The following EPC2 variants were observed in gnomAD, a reference collection of about 807,000 sequenced individuals.
The protein encoded by EPC2 is enhancer of polycomb 2, also known as enhancer of polycomb homolog 2.
A neutral mutation model predicts 92.1 loss-of-function variants in EPC2; 14 were observed. The observed-to-expected ratio is 0.15, with a 90% CI of 0.10 to 0.24. The LOEUF is 0.24. Ranked by LOEUF, EPC2 falls within the 10% of genes least tolerant of loss-of-function variation. The pLI is 1.00. For synonymous variants in EPC2, 340 were observed against 334.7 expected (o/e 1.02, Z -0.17); for missense variants, 755 against 971.5 (o/e 0.78, Z 2.96).
chr2:148,703,326 G>GA (rs556620514), intron 2 of EPC2, among the ~76,000 whole-genome samples: 1,603 of 151,436 alleles, frequency 0.011, 21 homozygotes, highest in Non-Finnish European at 0.014. Flanking sequence ...TTATAGTGCA[G>GA]TTTTTTTTTA....
chr2:148,726,789 T>C (rs925012035), intron 2 of EPC2, among the ~76,000 whole-genome samples: 22 of 150,672 alleles, frequency 1.5e-4, no homozygotes, highest in Non-Finnish European at 2.2e-4. Flanking sequence ...TGCGTTTTTT[T>C]GTTTTTGAGT....
intron 1 of EPC2, among the ~76,000 whole-genome samples, chr2:148,668,574 G>C (rs2105359082): frequency 6.6e-6 from 1 of 152,298 alleles, no homozygotes; most frequent in Admixed American, 6.5e-5. Flanking sequence ...TGTTTCTGGA[G>C]TTTTCTTTGT....
chr2:148,748,289 A>G (rs1292295778), intron 3 of EPC2, among the ~76,000 whole-genome samples: 1 of 152,110 alleles, frequency 6.6e-6, no homozygotes, highest in Non-Finnish European at 1.5e-5. Context: ...CTACCTGTAC[A>G]GCCCGCAGCA....
intron 1 of EPC2, among the ~76,000 whole-genome samples, chr2:148,656,804 A>G (rs1680811247): frequency 6.6e-6 from 1 of 152,236 alleles, no homozygotes; most frequent in African/African-American, 2.4e-5. Context: ...AAGGAGTTTT[A>G]CACAGATGAA....
chr2:148,691,467 T>C, intron 2 of EPC2: 2 of 1,512,858 alleles, frequency 1.3e-6, no homozygotes, highest in Non-Finnish European at 1.8e-6. Context: ...TTCTGAAACA[T>C]CACCAGCTTT....
intron 3 of EPC2, among the ~76,000 whole-genome samples, chr2:148,749,526 T>C (rs1174339281): frequency 1.3e-5 from 2 of 152,066 alleles, no homozygotes; most frequent in East Asian, 3.9e-4. Flanking sequence ...TACTTGATAC[T>C]GCATTATTGA....
At chr2:148,699,743 A>G (rs950583888) in intron 2 of EPC2, among the ~76,000 whole-genome samples, 13 of 152,184 alleles carry the variant, frequency 8.5e-5, no homozygotes, top group Admixed American at 7.2e-4. Flanking sequence ...TTTCAGCTCA[A>G]TTGGGTATAT....
Position 148,644,775 on chromosome 2 carries a change from G to A in EPC2, c.-243G>A. 2.3e-6 allele frequency: 1 copy of A among 425,874 alleles called. No homozygotes were observed. The highest frequency in any genetic ancestry group is 4.2e-6 in the Non-Finnish European group (1 of 237,484). 26.4% of individuals were successfully genotyped at this position (425,874 alleles called of 1,614,324 possible). On this transcript the variant is annotated 5_prime_UTR_variant, in exon 1 of 14. It removes an upstream start codon present in the reference 5' UTR. Transcript: ENST00000258484. ...TGGTAATGTCCGCCATGTTGGCCAT[G>A]GCGCAGGGAGCGGATCGGGCGGGCG...
chr2:148,766,076 T>G (rs1683402744), intron 7 of EPC2, among the ~76,000 whole-genome samples: 1 of 152,176 alleles, frequency 6.6e-6, no homozygotes, highest in African/African-American at 2.4e-5. Context: ...CATTTTTTTT[T>G]TAAATATTGT....
At chr2:148,651,227 T>C (rs1680676089) in intron 1 of EPC2, among the ~76,000 whole-genome samples, 1 of 152,230 alleles carries the variant, frequency 6.6e-6, no homozygotes, top group South Asian at 2.1e-4. Context: ...CTGAGGATGC[T>C]GAGTAGACCA....
At position 148,707,459 on chromosome 2, in the gene EPC2, G is replaced by T. The variant is rs143764202; in HGVS notation, c.313+17086G>T. Among the ~76,000 whole-genome samples the T allele has an allele frequency of 7.1e-3, 1,088 of 152,228 alleles. 6 individuals carry two copies. Among genetic ancestry groups the T allele is most frequent in the African/African-American group, 0.025 (1,022 of 41,532 alleles). ...ATCAACAAGACAGAAGGTTAACAAG[G>T]ATATCCAGAACTTGAACTCAGCTCT... On this transcript the variant is annotated intron_variant, in intron 2 of 13. Coordinates refer to ENST00000258484, the MANE Select transcript of EPC2 (RefSeq NM_015630.4).
chr2:148,777,407 G>A (rs1169977775), intron 10 of EPC2, among the ~76,000 whole-genome samples: 1 of 152,100 alleles, frequency 6.6e-6, no homozygotes, highest in Non-Finnish European at 1.5e-5. Context: ...GTTAAGAGAT[G>A]ATGAAAAAAC....
In EPC2 at chr2:148,783,729, A is replaced by C; in HGVS notation, c.1990A>C (p.Asn664His). ...VAKEQNTGHN[N>H]INGVVQPSGT... ...CAAGGAACAGAACACTGGCCACAAC[A>C]ACATAAACGGTGTTGTCCAGCCTTC... Residue 664 changes from asparagine (N) to histidine (H), a missense_variant, in exon 12 of 14, where the codon AAC becomes CAC. Asn to His is a moderately conservative substitution (Grantham distance 68, BLOSUM62 1). This residue lies in a region of EPC2 where 207 missense variants were observed against 260.5 expected (regional missense o/e 0.79). Coordinates refer to ENST00000258484, the MANE Select transcript of EPC2 (RefSeq NM_015630.4). 6.3e-7 allele frequency: 1 copy of C among 1,592,226 alleles called. No individual in the cohort carries two copies. Among genetic ancestry groups the C allele is most frequent in the Non-Finnish European group, 8.6e-7 (1 of 1,168,446 alleles).
At chr2:148,707,654 C>G (rs957183332) in intron 2 of EPC2, among the ~76,000 whole-genome samples, 10 of 152,128 alleles carry the variant, frequency 6.6e-5, no homozygotes, top group Admixed American at 6.6e-5. Context: ...CTGTCTCTCA[C>G]ACCACAGTGC....
chr2:148,676,891 CA>C (rs781127884), intron 1 of EPC2, among the ~76,000 whole-genome samples: 61 of 150,748 alleles, frequency 4.0e-4, no homozygotes, highest in Non-Finnish European at 8.1e-4. Context: ...GGTTGAATTC[CA>C]TAAACAGAGT....
chr2:148,759,238 G>T (rs182475011), intron 4 of EPC2, among the ~76,000 whole-genome samples: 2 of 152,006 alleles, frequency 1.3e-5, no homozygotes, highest in African/African-American at 4.8e-5. Context: ...GATTACAGGC[G>T]CCCATCACCA....
intron 10 of EPC2, among the ~76,000 whole-genome samples, chr2:148,776,738 C>G (rs1051178596): frequency 7.2e-5 from 11 of 152,048 alleles, no homozygotes; most frequent in African/African-American, 2.7e-4. Flanking sequence ...TCTTGTAACA[C>G]TGGGTATAGT....
chr2:148,751,988 G>A (rs1178156105), intron 3 of EPC2, among the ~76,000 whole-genome samples: 4 of 152,164 alleles, frequency 2.6e-5, no homozygotes, highest in African/African-American at 9.6e-5. Context: ...ATATAAAGAC[G>A]GCTTTTAACA....
chr2:148,728,815 G>A (rs187211591), intron 2 of EPC2, among the ~76,000 whole-genome samples: 5,658 of 151,196 alleles, frequency 0.037, 147 homozygotes, highest in Middle Eastern at 0.054. Context: ...GGCAGATCAC[G>A]AGGTCGGGAG....
Sources: gnomAD v4.1 joint callset for allele counts (sites outside exome capture counted in the v4.1 genomes callset) on GRCh38, gnomAD v4.1.1 for gene constraint, gnomAD v4.1.1 regional missense constraint, MANE v1.5 for transcripts, NCBI Gene and HGNC (gene_info 2026-07-23, HGNC 2026-07-21) for gene names.